The following CTNNA2 variants were observed in gnomAD, a reference collection of about 807,000 sequenced individuals.
The protein encoded by CTNNA2 is catenin alpha 2.
In CTNNA2, 42 loss-of-function variants were observed where a neutral mutation model predicts 101.0. The ratio of observed to expected loss-of-function variants is 0.42; its 90% CI spans 0.32 to 0.54. CTNNA2 has a LOEUF of 0.54. Ranked by LOEUF, CTNNA2 falls within the 20% of genes least tolerant of loss-of-function variation. The pLI is 0.14. For missense variants in CTNNA2, 871 were observed against 1,223.1 expected, an observed-to-expected ratio of 0.71 and a Z score of 4.29; for synonymous variants, 450 against 456.4, an observed-to-expected ratio of 0.99 and a Z score of 0.18.
At chr2:80,313,389 T>A (rs1379692313) in intron 7 of CTNNA2, 2 of 1,359,684 alleles carry the variant, frequency 1.5e-6, no homozygotes, top group Non-Finnish European at 1.9e-6. Context: ...AGAAGCAGAG[T>A]TAGATAAAAT....
chr2:80,085,542 C>T (rs1332064098), intron 7 of CTNNA2, among the ~76,000 whole-genome samples: 1 of 152,048 alleles, frequency 6.6e-6, no homozygotes, highest in African/African-American at 2.4e-5. Flanking sequence ...TATGTATGCA[C>T]ACCTGTATTC....
At chr2:80,054,127 C>T (rs1404556106) in intron 7 of CTNNA2, among the ~76,000 whole-genome samples, 1 of 152,164 alleles carries the variant, frequency 6.6e-6, no homozygotes, top group Non-Finnish European at 1.5e-5. Context: ...CGTTGTATGC[C>T]ACTGCTCAGT....
intron 7 of CTNNA2, among the ~76,000 whole-genome samples, chr2:80,052,812 G>A (rs912079939): frequency 1.9e-4 from 29 of 152,226 alleles, no homozygotes; most frequent in African/African-American, 7.0e-4. Flanking sequence ...TGAGACAAAC[G>A]TCCTTTCATA....
intron 7 of CTNNA2, among the ~76,000 whole-genome samples, chr2:80,350,513 C>T (rs572313138): frequency 1.3e-5 from 2 of 152,316 alleles, no homozygotes; most frequent in East Asian, 1.9e-4. Flanking sequence ...GAGCATTCAT[C>T]ATTCTAGTTA....
intron 7 of CTNNA2, among the ~76,000 whole-genome samples, chr2:80,079,895 T>TAATA (rs1553445252): frequency 4.3e-5 from 5 of 115,068 alleles, no homozygotes; most frequent in Non-Finnish European, 7.8e-5. Flanking sequence ...TAAAATAAAA[T>TAATA]AAATAAAATA....
chr2:80,401,395 G>A (rs1378698874), intron 8 of CTNNA2, among the ~76,000 whole-genome samples: 1 of 152,116 alleles, frequency 6.6e-6, no homozygotes, highest in African/African-American at 2.4e-5. Flanking sequence ...CTTATATTTT[G>A]AGGATAATTT....
intron 4 of CTNNA2, among the ~76,000 whole-genome samples, chr2:79,423,959 CA>C (rs1186728269): frequency 6.6e-6 from 1 of 152,060 alleles, no homozygotes; most frequent in Non-Finnish European, 1.5e-5. Context: ...AAAAAACCCA[CA>C]AAAAATCAAG....
intron 7 of CTNNA2, among the ~76,000 whole-genome samples, chr2:80,271,792 A>T (rs1170350485): frequency 6.6e-6 from 1 of 152,222 alleles, no homozygotes; most frequent in Non-Finnish European, 1.5e-5. Flanking sequence ...GCCTCTAGTG[A>T]TAAATAACAC....
chr2:79,240,473 T>A (rs1674612865), intron 2 of CTNNA2, among the ~76,000 whole-genome samples: 2 of 152,130 alleles, frequency 1.3e-5, no homozygotes, highest in Non-Finnish European at 1.5e-5. Context: ...ACATGAGGTA[T>A]TTAGTTTTCT....
chr2:79,894,706 C>A (rs543436547), intron 6 of CTNNA2, among the ~76,000 whole-genome samples: 4 of 152,156 alleles, frequency 2.6e-5, no homozygotes, highest in South Asian at 2.1e-4. Context: ...TCCTAACTAC[C>A]CCAATTTCTA....
chr2:79,411,314 G>T (rs1678407388), intron 4 of CTNNA2, among the ~76,000 whole-genome samples: 1 of 151,848 alleles, frequency 6.6e-6, no homozygotes, highest in Non-Finnish European at 1.5e-5. Context: ...GTTCTGCTCT[G>T]ATTTTAGTTA....
chr2:79,904,041 C>G (rs1327317440), intron 6 of CTNNA2, among the ~76,000 whole-genome samples: 1 of 152,114 alleles, frequency 6.6e-6, no homozygotes, highest in African/African-American at 2.4e-5. Context: ...ATATAATATG[C>G]CATCTCTCAC....
intron 9 of CTNNA2, among the ~76,000 whole-genome samples, chr2:80,521,317 T>A (rs1004325346): frequency 1.3e-5 from 2 of 151,966 alleles, no homozygotes; most frequent in Admixed American, 1.3e-4. Context: ...GAGATGGGAG[T>A]CTTTATTTCC....
intron 7 of CTNNA2, among the ~76,000 whole-genome samples, chr2:80,035,660 C>T (rs1695600317): frequency 6.6e-6 from 1 of 152,084 alleles, no homozygotes; most frequent in African/African-American, 2.4e-5. Context: ...AAGGCTCCAT[C>T]TGAAATCAAG....
At chr2:80,347,838 C>CTTTTTTTTTTTTTTT (rs778989197) in intron 7 of CTNNA2, among the ~76,000 whole-genome samples, 13 of 146,858 alleles carry the variant, frequency 8.9e-5, no homozygotes, top group East Asian at 2.1e-4. Context: ...TTTTTCTTTT[C>CTTTTTTTTTTTTTTT]TTTTCTTTTT....
chr2:80,184,062 G>T (rs1418651641), intron 7 of CTNNA2, among the ~76,000 whole-genome samples: 2 of 150,612 alleles, frequency 1.3e-5, no homozygotes, highest in African/African-American at 4.9e-5. Flanking sequence ...ACCATTGTAG[G>T]CTATAATAAT....
At chr2:79,587,876 C>T (rs1439056421) in intron 1 of CTNNA2, among the ~76,000 whole-genome samples, 2 of 152,138 alleles carry the variant, frequency 1.3e-5, no homozygotes, top group African/African-American at 4.8e-5. Flanking sequence ...ACTCAATAAA[C>T]ACAAAAATGA....
chr2:80,561,529 G>T (rs1412649074), intron 12 of CTNNA2, among the ~76,000 whole-genome samples: 1 of 152,148 alleles, frequency 6.6e-6, no homozygotes, highest in Non-Finnish European at 1.5e-5. Flanking sequence ...TCCCGCTCTT[G>T]GAGCAATGTG....
chr2:79,756,639 C>T (rs1185362038), intron 3 of CTNNA2, among the ~76,000 whole-genome samples: 1 of 152,014 alleles, frequency 6.6e-6, no homozygotes, highest in Admixed American at 6.6e-5. Flanking sequence ...ATAAACAAGC[C>T]ATAAACTGCA....
Sources: gnomAD v4.1 joint callset for allele counts (sites outside exome capture counted in the v4.1 genomes callset) on GRCh38, gnomAD v4.1.1 for gene constraint, MANE v1.5 for transcripts, NCBI Gene and HGNC (gene_info 2026-07-23, HGNC 2026-07-21) for gene names.